SORCS3: variants seen among roughly 807,000 people sequenced by gnomAD.
SORCS3 encodes the protein sortilin related VPS10 domain containing receptor 3.
SORCS3 carries 57 observed loss-of-function variants against 146.3 expected under a neutral mutation model. That is an observed-to-expected ratio of 0.39 (90% CI 0.31 to 0.49). SORCS3 has a LOEUF of 0.49. SORCS3 is among the 20% of genes least tolerant of loss of function. SORCS3 has a pLI of 0.92. For synonymous variants in SORCS3, 653 were observed against 618.5 expected (o/e 1.06, Z -0.83); for missense variants, 1,341 against 1,575.5 (o/e 0.85, Z 2.52).
At chr10:105,260,106 A>G (rs530732138) in intron 25 of SORCS3, among the ~76,000 whole-genome samples, 4 of 152,362 alleles carry the variant, frequency 2.6e-5, no homozygotes, top group Admixed American at 2.0e-4. Context: ...TTGCAAAAAG[A>G]TGAAAAATAT....
intron 1 of SORCS3, among the ~76,000 whole-genome samples, chr10:104,722,658 C>G (rs1037819679): frequency 1.3e-5 from 2 of 152,214 alleles, no homozygotes; most frequent in East Asian, 1.9e-4. Context: ...ATTTCAGAGC[C>G]TGTTATTGGT....
At chr10:105,072,479 A>C (rs2055562694) in intron 5 of SORCS3, among the ~76,000 whole-genome samples, 1 of 152,104 alleles carries the variant, frequency 6.6e-6, no homozygotes. Flanking sequence ...AGCCCTTCCC[A>C]GGCTGATGGA....
intron 3 of SORCS3, among the ~76,000 whole-genome samples, chr10:104,937,546 A>G (rs2019272599): frequency 6.6e-6 from 1 of 152,206 alleles, no homozygotes; most frequent in Non-Finnish European, 1.5e-5. Context: ...GAAAGCTCAC[A>G]TTACTTTCGC....
chr10:104,986,062 T>A (rs1448591917), intron 4 of SORCS3, among the ~76,000 whole-genome samples: 1 of 152,216 alleles, frequency 6.6e-6, no homozygotes, highest in African/African-American at 2.4e-5. Flanking sequence ...CATTGACTTC[T>A]CCTCTCTAGC....
At chr10:105,228,978 C>G (rs1024276338) in intron 20 of SORCS3, among the ~76,000 whole-genome samples, 3 of 152,050 alleles carry the variant, frequency 2.0e-5, no homozygotes, top group Admixed American at 2.0e-4. Flanking sequence ...TCTGGCATAC[C>G]GGCAATTTGA....
intron 4 of SORCS3, among the ~76,000 whole-genome samples, chr10:105,042,711 C>T (rs570949526): frequency 6.6e-6 from 1 of 152,218 alleles, no homozygotes; most frequent in South Asian, 2.1e-4. Context: ...GTAATATTGG[C>T]TCATATATCA....
intron 2 of SORCS3, among the ~76,000 whole-genome samples, chr10:104,855,464 C>T (rs749494309): frequency 2.2e-4 from 33 of 152,134 alleles, no homozygotes; most frequent in Non-Finnish European, 2.9e-5. Flanking sequence ...CATGGTGGTA[C>T]ATCTTTTAGG....
At chr10:104,958,077 C>A (rs149835227) in intron 3 of SORCS3, among the ~76,000 whole-genome samples, 100 of 152,192 alleles carry the variant, frequency 6.6e-4, no homozygotes, top group African/African-American at 2.4e-3. Context: ...CTCATTTTTC[C>A]TCCTGCTTTC....
intron 1 of SORCS3, among the ~76,000 whole-genome samples, chr10:104,842,106 C>G (rs1208217703): frequency 1.3e-5 from 2 of 152,214 alleles, no homozygotes; most frequent in Non-Finnish European, 2.9e-5. Flanking sequence ...GTAGCCTCAG[C>G]TCTCTGATAC....
intron 3 of SORCS3, among the ~76,000 whole-genome samples, chr10:104,975,295 G>A (rs961722005): frequency 1.8e-4 from 27 of 152,034 alleles, no homozygotes; most frequent in Admixed American, 1.6e-3. Flanking sequence ...AATCATGAGT[G>A]AACTCCCATT....
At chr10:104,940,232 ATATATATTTTTTTTT>A (rs1159839652) in intron 3 of SORCS3, among the ~76,000 whole-genome samples, 39 of 22,438 alleles carry the variant, frequency 1.7e-3, no homozygotes, top group East Asian at 7.9e-3. Flanking sequence ...ATATATATAT[ATATATATTTTTTTTT>A]TTTTTTTTAT....
intron 5 of SORCS3, among the ~76,000 whole-genome samples, chr10:105,080,333 GCTTGCTGGCCACATATATATCTT>G (rs2055614757): frequency 6.6e-6 from 1 of 152,132 alleles, no homozygotes; most frequent in Non-Finnish European, 1.5e-5. Context: ...TTTTTCATAT[GCTTGCTGGCCACATATATATCTT>G]CTTTTGAAAA....
chr10:104,967,336 C>G (rs2054831438), intron 3 of SORCS3, among the ~76,000 whole-genome samples: 1 of 152,080 alleles, frequency 6.6e-6, no homozygotes. Context: ...TGTTTTTCTC[C>G]CTGACACTTT....
At chr10:105,203,241 T>C (rs567813642) in intron 16 of SORCS3, among the ~76,000 whole-genome samples, 2 of 152,314 alleles carry the variant, frequency 1.3e-5, no homozygotes, top group East Asian at 3.9e-4. Context: ...TAATTTAAGT[T>C]TGACTAGCAG....
chr10:105,049,868 A>C (rs1221263688), intron 5 of SORCS3, among the ~76,000 whole-genome samples: 1 of 152,044 alleles, frequency 6.6e-6, no homozygotes, highest in Non-Finnish European at 1.5e-5. Flanking sequence ...TATGCTTACT[A>C]CCTGGGTTAC....
chr10:104,730,300 A>C (rs2016691220), intron 1 of SORCS3, among the ~76,000 whole-genome samples: 1 of 152,192 alleles, frequency 6.6e-6, no homozygotes, highest in Non-Finnish European at 1.5e-5. Flanking sequence ...CTCAAGGAAT[A>C]TGTGCCACAG....
In SORCS3 at chr10:104,771,465, C is replaced by T. The variant is rs542412399; in HGVS notation, c.628-71327C>T. On this transcript the variant is annotated intron_variant, in intron 1 of 26. Transcript: ENST00000369701. ...GGGATCCCTGGGCAGAAGATGTGCC[C>T]ATCACAGTGTAATGAATTCTAATTT... Among the ~76,000 whole-genome samples the T allele has an allele frequency of 9.2e-5, 14 of 152,232 alleles. No homozygotes were observed. The East Asian group carries it at 2.5e-3, about 27-fold the overall frequency.
chr10:104,906,461 C>T (rs2018906073), intron 2 of SORCS3, among the ~76,000 whole-genome samples: 1 of 152,200 alleles, frequency 6.6e-6, no homozygotes, highest in South Asian at 2.1e-4. Context: ...GAGGCAGTTT[C>T]TCCTTCTGTG....
intron 1 of SORCS3, among the ~76,000 whole-genome samples, chr10:104,824,886 T>A (rs2017917253): frequency 6.6e-6 from 1 of 152,152 alleles, no homozygotes; most frequent in Admixed American, 6.5e-5. Context: ...GAAGTGTGTG[T>A]GCCTGCAGGC....
Sources: allele counts gnomAD v4.1 joint callset (sites outside exome capture counted in the v4.1 genomes callset), GRCh38; gene constraint gnomAD v4.1.1; transcripts MANE v1.5; gene names NCBI Gene and HGNC (gene_info 2026-07-23, HGNC 2026-07-21).